Variants in NFYA observed in about 807,000 individuals in gnomAD.
The protein encoded by NFYA is nuclear transcription factor Y subunit alpha, also known as CAAT-box DNA binding protein subunit A.
A neutral mutation model predicts 52.8 loss-of-function variants in NFYA; 28 were observed. The observed-to-expected ratio is 0.53, with a 90% CI of 0.39 to 0.73. NFYA has a LOEUF of 0.73. Ranked by LOEUF, NFYA falls within the 30% of genes least tolerant of loss-of-function variation. NFYA has a pLI of 0.00. For synonymous variants in NFYA, 150 were observed against 150.7 expected (o/e 1.00, Z 0.03); for missense variants, 234 against 427.0 (o/e 0.55, Z 3.98).
intron 1 of NFYA, chr6:41,075,769 T>A (rs530298742): frequency 6.6e-6 from 1 of 152,028 alleles, no homozygotes; most frequent in Non-Finnish European, 1.5e-5. Context: ...TATCCCCAGC[T>A]GGAACAAATC....
rs999842614 is a variant in NFYA at position 41,089,655 on chromosome 6, C to T, written c.386C>T (p.Thr129Ile). ...CAGGTGCAGGGCCAGCAGGGCCAGA[C>T]CCAGCAGATCATCATCCAGCAGCCC... ...AVQVQGQQGQ[T>I]QQIIIQQPQT... The change falls in exon 5 of 10, where the codon ACC (threonine) becomes ATC (isoleucine). Residue 129 changes from threonine to isoleucine, a missense_variant. By Grantham distance (89) the Thr-to-Ile change is moderately conservative (BLOSUM62 -1). Coordinates refer to ENST00000341376, the MANE Select transcript of NFYA (RefSeq NM_002505.5). The T allele has an allele frequency of 5.0e-6, 8 of 1,612,542 alleles. No individual in the cohort carries two copies. Among genetic ancestry groups the T allele is most frequent in the Non-Finnish European group, 6.8e-6 (8 of 1,180,018 alleles).
At chr6:41,073,872 C>G (rs939448211) in intron 1 of NFYA, among the ~76,000 whole-genome samples, 16 of 151,880 alleles carry the variant, frequency 1.1e-4, no homozygotes, top group African/African-American at 3.6e-4. Flanking sequence ...CTTCCCCGCC[C>G]CGTTCGCAGT....
intron 3 of NFYA, among the ~76,000 whole-genome samples, chr6:41,081,596 T>C (rs1239894932): frequency 2.0e-5 from 3 of 152,230 alleles, no homozygotes; most frequent in African/African-American, 7.2e-5. Context: ...TATATACATA[T>C]ACAGACACAC....
In NFYA at chr6:41,101,643, T is replaced by C. The variant is rs866468267; in HGVS notation, c.*4233T>C. Among the ~76,000 whole-genome samples the C allele has an allele frequency of 6.6e-6, 1 of 152,216 alleles. No individual in the cohort carries two copies. The highest frequency in any genetic ancestry group is 1.9e-4 in the East Asian group (1 of 5,190). On this transcript the variant is annotated 3_prime_UTR_variant, in exon 10 of 10. Transcript: ENST00000341376. ...ACAAATACTTACTCTGTGTCAGGGATATGAAGATGGGTAATACCAGGTGCC... is the reference window on the plus strand; with the variant it reads ...ACAAATACTTACTCTGTGTCAGGGACATGAAGATGGGTAATACCAGGTGCC...
At position 41,080,893 on chromosome 6, in the gene NFYA, A is replaced by G; in HGVS notation, c.158A>G (p.Gln53Arg). The G allele has an allele frequency of 6.2e-7, 1 of 1,613,360 alleles. No individual in the cohort carries two copies. Among genetic ancestry groups the G allele is most frequent in the Non-Finnish European group, 8.5e-7 (1 of 1,179,284 alleles). The change falls in exon 3 of 10, where the codon CAG becomes CGG. Residue 53 changes from glutamine to arginine, a missense_variant. Gln to Arg is a conservative substitution (Grantham distance 43). Coordinates refer to ENST00000341376, the MANE Select transcript of NFYA (RefSeq NM_002505.5). ...SASGQQVQTL[Q>R]VVQGQPLMVQ... The stretch of plus-strand genomic sequence containing the variant: ...TCAGGCCAGCAAGTCCAGACCCTCC[A>G]GGTAGTGGTACCCTCTCTGATTCTC...
intron 2 of NFYA, among the ~76,000 whole-genome samples, chr6:41,079,548 T>G (rs1003249860): frequency 9.9e-5 from 15 of 152,216 alleles, no homozygotes; most frequent in African/African-American, 3.6e-4. Context: ...AATCTTCTGT[T>G]TTTTGATTTG....
intron 3 of NFYA, among the ~76,000 whole-genome samples, chr6:41,081,646 G>A (rs547390371): frequency 6.6e-6 from 1 of 152,276 alleles, no homozygotes; most frequent in East Asian, 1.9e-4. Flanking sequence ...TATTCAAGGG[G>A]CAACTCAACT....
rs1764413810 is a variant in NFYA at position 41,098,298 on chromosome 6, G to A, written c.*888G>A. The A allele has an allele frequency of 6.6e-6, 1 of 152,458 alleles. No homozygotes were observed. Among genetic ancestry groups the A allele is most frequent in the Non-Finnish European group, 1.5e-5 (1 of 68,054 alleles). 9.4% of individuals were successfully genotyped at this position (152,458 alleles called of 1,614,324 possible). ...TACTCCTAAAGGAAGGGCCAAACTA[G>A]AGATTTTCAATCATAGACTTTGTGA... On this transcript the variant is annotated 3_prime_UTR_variant, in exon 10 of 10. Coordinates refer to ENST00000341376, the MANE Select transcript of NFYA (RefSeq NM_002505.5).
Position 41,100,007 on chromosome 6 carries a change from C to A in NFYA, c.*2597C>A, listed in dbSNP as rs973275586. Reference sequence around the variant, plus strand: ...GTGACTTTTGAGGAATCTGCAACTCCTGGGTTCTAGTTTGTGTTTCCAGTG... The same window carrying A: ...GTGACTTTTGAGGAATCTGCAACTCATGGGTTCTAGTTTGTGTTTCCAGTG... On this transcript the variant is annotated 3_prime_UTR_variant, in exon 10 of 10. Coordinates refer to ENST00000341376, the MANE Select transcript of NFYA (RefSeq NM_002505.5). The A allele has an allele frequency of 6.6e-6, 1 of 152,072 alleles. No individual in the cohort carries two copies. Among genetic ancestry groups the A allele is most frequent in the Non-Finnish European group, 1.5e-5 (1 of 68,012 alleles). The allele number at this position is 152,072 out of a possible 1,614,324, so 9.4% of individuals were successfully genotyped here. A position where few individuals can be genotyped will look rare whatever the true frequency, so the allele number is the denominator to read the frequency against.
At chr6:41,080,968 G>A (rs1763889618) in intron 3 of NFYA, 71 bp downstream of exon 3, 1 of 1,262,140 alleles carries the variant, frequency 7.9e-7, no homozygotes. Flanking sequence ...TGCTGTTTGT[G>A]TTAGGATCTC....
rs1400448130 is a variant in NFYA, at chr6:41,101,951, A to T, written c.*4541A>T. On this transcript the variant is annotated 3_prime_UTR_variant, in exon 10 of 10. Coordinates refer to ENST00000341376, the MANE Select transcript of NFYA (RefSeq NM_002505.5). ...TACACTGGCCTGATGTGTGGGGAGA[A>T]AGGGGCCAAAAAGTTTAGGATTTGG... is the stretch of plus-strand genomic sequence containing the variant. 6.6e-6 allele frequency: 1 copy of T among 152,218 alleles called. No individual in the cohort carries two copies. The highest frequency in any genetic ancestry group is 1.5e-5 in the Non-Finnish European group (1 of 68,064). The allele number at this position is 152,218 out of a possible 1,614,324, so 9.4% of individuals were successfully genotyped here.
chr6:41,087,306 G>C (rs1005486088), intron 4 of NFYA, among the ~76,000 whole-genome samples: 4 of 152,104 alleles, frequency 2.6e-5, no homozygotes, highest in Non-Finnish European at 5.9e-5. Flanking sequence ...TAACAAAGTA[G>C]GATCCATGAA....
Position 41,079,731 on chromosome 6 carries a change from G to A in NFYA, c.75+567G>A, listed in dbSNP as rs529093808. Among the ~76,000 whole-genome samples, 3 of 152,234 alleles carry A rather than the reference G, an allele frequency of 2.0e-5. No homozygotes were observed. The South Asian group carries it at 6.2e-4, about 32-fold the overall frequency. On this transcript the variant is annotated intron_variant, in intron 2 of 9. Coordinates refer to ENST00000341376, the MANE Select transcript of NFYA (RefSeq NM_002505.5). ...CAGGTTACATTTTCTGATGCTTTAT[G>A]CTTGGGTTTATTATAGTAAAATTTC...
intron 3 of NFYA, 100 bp downstream of exon 3, chr6:41,080,997 C>A: frequency 1.1e-6 from 1 of 875,760 alleles, no homozygotes; most frequent in South Asian, 1.5e-5. Context: ...ATGGCAAAGT[C>A]AGTTGCATGT....
At chr6:41,085,753 T>A (rs1294797404) in intron 4 of NFYA, among the ~76,000 whole-genome samples, 1 of 88,564 alleles carries the variant, frequency 1.1e-5, no homozygotes, top group African/African-American at 8.3e-5. Flanking sequence ...TGTGTTTTCA[T>A]TTTTTTTTTT....
In NFYA at chr6:41,098,814, G is replaced by A. The variant is rs913550273; in HGVS notation, c.*1404G>A. The A allele has an allele frequency of 1.3e-5, 2 of 152,626 alleles. No homozygotes were observed. Among genetic ancestry groups the A allele is most frequent in the African/African-American group, 4.8e-5 (2 of 41,436 alleles). The allele number at this position is 152,626 out of a possible 1,614,324, so 9.5% of individuals were successfully genotyped here. Reference sequence around the variant, plus strand: ...AAACATGCCTGCAGGGTCAGGAACTGGGCCACTGTTCCCAGAACGGGTTGT... The same window carrying A: ...AAACATGCCTGCAGGGTCAGGAACTAGGCCACTGTTCCCAGAACGGGTTGT... On this transcript the variant is annotated 3_prime_UTR_variant, in exon 10 of 10. Transcript: ENST00000341376.
intron 1 of NFYA, among the ~76,000 whole-genome samples, chr6:41,073,753 C>A (rs1763627549): frequency 6.6e-6 from 1 of 152,082 alleles, no homozygotes; most frequent in Admixed American, 6.5e-5. Context: ...GAGAGGGGGC[C>A]GTTAGTTCGC....
chr6:41,084,125 C>G lies in NFYA; in HGVS notation c.242C>G (p.Ala81Gly). 1 of 1,614,148 alleles carries G rather than the reference C, an allele frequency of 6.2e-7. No homozygotes were observed. The highest frequency in any genetic ancestry group is 8.5e-7 in the Non-Finnish European group (1 of 1,179,982). ...ACTGGCCAACCCATCATGGTCCAGGCTGTCCCTGGTGGACAAGGTCAAACC... is the reference window on the plus strand; with the variant it reads ...ACTGGCCAACCCATCATGGTCCAGGGTGTCCCTGGTGGACAAGGTCAAACC... The part of the protein sequence containing the change: ...TSTGQPIMVQ[A>G]VPGGQGQTIM... Residue 81 changes from alanine (A) to glycine (G), a missense_variant, in exon 4 of 10, where the codon GCT (alanine) becomes GGT (glycine). Around this residue, in one of 3 missense-constraint regions of NFYA, gnomAD observed 118 missense variants for 182.4 expected, o/e 0.65. Coordinates refer to ENST00000341376, the MANE Select transcript of NFYA (RefSeq NM_002505.5).
At chr6:41,084,260 C>G in intron 4 of NFYA, 68 bp downstream of exon 4, 1 of 1,543,630 alleles carries the variant, frequency 6.5e-7, no homozygotes, top group Non-Finnish European at 8.8e-7. Context: ...ATTATTACAA[C>G]CTATTTGATA....
Sources: gnomAD v4.1 joint callset for allele counts (sites outside exome capture counted in the v4.1 genomes callset) on GRCh38, gnomAD v4.1.1 for gene constraint, gnomAD v4.1.1 regional missense constraint, MANE v1.5 for transcripts, NCBI Gene and HGNC (gene_info 2026-07-23, HGNC 2026-07-21) for gene names.